Variants in PPM1E observed in about 807,000 individuals in gnomAD.
PPM1E encodes the protein protein phosphatase 1E.
In PPM1E, 20 loss-of-function variants were observed where a neutral mutation model predicts 65.9. The ratio of observed to expected loss-of-function variants is 0.30; its 90% CI spans 0.21 to 0.44. The LOEUF (loss-of-function observed/expected upper bound fraction) is 0.44, where lower values mean the gene tolerates loss of function less well. Among genes scored for constraint, PPM1E ranks in the 20% least tolerant of loss-of-function variants. The probability of loss-of-function intolerance (pLI) is 1.00; values close to 1 mark genes in which losing one functional copy is unlikely to be tolerated. For synonymous variants in PPM1E, 352 were observed against 374.9 expected (o/e 0.94, Z 0.70); for missense variants, 713 against 953.1 (o/e 0.75, Z 3.32).
intron 1 of PPM1E, among the ~76,000 whole-genome samples, chr17:58,870,834 G>A (rs1166415042): frequency 6.6e-6 from 1 of 152,148 alleles, no homozygotes; most frequent in Non-Finnish European, 1.5e-5. Flanking sequence ...GGTTTTAGAT[G>A]CATGATTACC....
At chr17:58,963,183 G>A (rs1031490414) in intron 2 of PPM1E, among the ~76,000 whole-genome samples, 52 of 151,728 alleles carry the variant, frequency 3.4e-4, no homozygotes, top group African/African-American at 1.1e-3. Context: ...TCAGGAGTTC[G>A]AGACCAGCCT....
At chr17:58,937,700 C>A (rs1171130476) in intron 1 of PPM1E, among the ~76,000 whole-genome samples, 2 of 149,074 alleles carry the variant, frequency 1.3e-5, no homozygotes, top group Non-Finnish European at 3.0e-5. Context: ...GGTGGTGAAA[C>A]CCCGTCTCTA....
intron 1 of PPM1E, among the ~76,000 whole-genome samples, chr17:58,772,811 A>T (rs1041752820): frequency 2.0e-5 from 3 of 152,088 alleles, no homozygotes; most frequent in Non-Finnish European, 4.4e-5. Context: ...ATTTCTAGGG[A>T]GATACTGGAA....
Position 58,756,565 on chromosome 17 carries a change from T to TC in PPM1E, c.464+109dup, listed in dbSNP as rs2049767224. 3 of 1,186,546 alleles carry TC rather than the reference T, an allele frequency of 2.5e-6. No homozygotes were observed. In the South Asian group the frequency reaches 1.3e-4, roughly 50 times the overall value. The allele number at this position is 1,186,546 out of a possible 1,614,324, so 73.5% of individuals were successfully genotyped here. On this transcript the variant is annotated intron_variant, in intron 1 of 6. Coordinates refer to ENST00000308249, the MANE Select transcript of PPM1E (RefSeq NM_014906.5). ...CAAACTGCTCTCTTTTCTGCTCCTC[T>TC]CCCCCGCACCCGCGCCTGCCGCCGC...
chr17:58,869,842 T>C (rs974025791), intron 1 of PPM1E, among the ~76,000 whole-genome samples: 21 of 152,212 alleles, frequency 1.4e-4, no homozygotes, highest in Non-Finnish European at 2.5e-4. Flanking sequence ...AGAACATTTA[T>C]GGAAGTTCTC....
intron 1 of PPM1E, among the ~76,000 whole-genome samples, chr17:58,791,570 C>A (rs2050158286): frequency 6.6e-6 from 1 of 152,178 alleles, no homozygotes; most frequent in African/African-American, 2.4e-5. Flanking sequence ...AACAGCAAAA[C>A]TTTCCTCTTT....
Position 58,969,622 on chromosome 17 carries a change from C to T in PPM1E, c.867C>T (p.His289=), listed in dbSNP as rs571100547. The part of the protein sequence containing the change: ...DAAIYASIHL[H]VNLVRQEMFP... ...CTATTTATGCCTCCATTCACCTCCA[C>T]GTTAACTTAGTCCGCCAGGAGATGT... The change falls in exon 4 of 7, where the codon CAC becomes CAT. Residue 289 remains histidine, a synonymous_variant. Coordinates refer to ENST00000308249, the MANE Select transcript of PPM1E (RefSeq NM_014906.5). The T allele has an allele frequency of 3.3e-5, 53 of 1,614,106 alleles. 1 individual carries two copies. The South Asian group carries it at 4.9e-4, about 15-fold the overall frequency.
At chr17:58,901,850 C>T (rs1398642520) in intron 1 of PPM1E, among the ~76,000 whole-genome samples, 1 of 151,910 alleles carries the variant, frequency 6.6e-6, no homozygotes, top group East Asian at 1.9e-4. Flanking sequence ...GTGGTACATG[C>T]CTGTAATCCC....
At chr17:58,952,761 C>T (rs1001862560) in intron 1 of PPM1E, among the ~76,000 whole-genome samples, 4 of 152,162 alleles carry the variant, frequency 2.6e-5, no homozygotes, top group African/African-American at 9.7e-5. Flanking sequence ...GCAACCTCCA[C>T]CTCCTGGATT....
At chr17:58,789,695 G>C (rs983702343) in intron 1 of PPM1E, among the ~76,000 whole-genome samples, 1 of 151,030 alleles carries the variant, frequency 6.6e-6, no homozygotes, top group Non-Finnish European at 1.5e-5. Flanking sequence ...ATGACTCTCC[G>C]ATGTGATCCT....
At chr17:58,890,756 T>G (rs990139944) in intron 1 of PPM1E, among the ~76,000 whole-genome samples, 2 of 152,180 alleles carry the variant, frequency 1.3e-5, no homozygotes, top group Non-Finnish European at 2.9e-5. Flanking sequence ...TGTTATCCTA[T>G]CTCAGAAACC....
intron 1 of PPM1E, among the ~76,000 whole-genome samples, chr17:58,807,224 T>A (rs1450799350): frequency 6.6e-6 from 1 of 152,180 alleles, no homozygotes; most frequent in Non-Finnish European, 1.5e-5. Flanking sequence ...ATTTTTTGGA[T>A]TTTTTAAAAA....
At chr17:58,782,399 G>GTT (rs1170298639) in intron 1 of PPM1E, among the ~76,000 whole-genome samples, 1 of 144,884 alleles carries the variant, frequency 6.9e-6, no homozygotes. Flanking sequence ...CTTAACTCAG[G>GTT]TTTTTGTTTT....
intron 1 of PPM1E, among the ~76,000 whole-genome samples, chr17:58,835,223 C>A (rs183556968): frequency 6.6e-6 from 1 of 152,042 alleles, no homozygotes; most frequent in Non-Finnish European, 1.5e-5. Flanking sequence ...TGCCTGTAGT[C>A]CCAGCTACTG....
chr17:58,904,248 T>G (rs912104860), intron 1 of PPM1E, among the ~76,000 whole-genome samples: 1 of 152,216 alleles, frequency 6.6e-6, no homozygotes, highest in Non-Finnish European at 1.5e-5. Flanking sequence ...ACTATCATCT[T>G]TATTTGCCAG....
chr17:58,887,168 T>C (rs1260836118), intron 1 of PPM1E, among the ~76,000 whole-genome samples: 1 of 145,518 alleles, frequency 6.9e-6, no homozygotes, highest in Non-Finnish European at 1.5e-5. Context: ...TCTTCTTTTT[T>C]TTTTTTTTTT....
At chr17:58,958,883 C>G (rs917946329) in intron 2 of PPM1E, among the ~76,000 whole-genome samples, 2 of 151,610 alleles carry the variant, frequency 1.3e-5, no homozygotes, top group African/African-American at 4.9e-5. Context: ...GTGCCCAGCC[C>G]CAATCCCTTT....
At chr17:58,771,181 C>G (rs769113920) in intron 1 of PPM1E, among the ~76,000 whole-genome samples, 1 of 151,250 alleles carries the variant, frequency 6.6e-6, no homozygotes, top group Non-Finnish European at 1.5e-5. Flanking sequence ...TCTAAGTGGT[C>G]GACAAATAAA....
Position 58,811,032 on chromosome 17 carries a change from A to G in PPM1E, c.464+54571A>G, listed in dbSNP as rs567454691. ...GCTACTATGCCTGGAAAATTTTTGT[A>G]TTTTTGGTAGAGACGGGGTTTCGCC... On this transcript the variant is annotated intron_variant, in intron 1 of 6. Coordinates refer to ENST00000308249, the MANE Select transcript of PPM1E (RefSeq NM_014906.5). 1.4e-4 allele frequency among the ~76,000 whole-genome samples: 22 copies of G among 152,070 alleles called. No individual in the cohort carries two copies. The East Asian group carries it at 4.3e-3, about 29-fold the overall frequency.
Sources: allele counts gnomAD v4.1 joint callset (sites outside exome capture counted in the v4.1 genomes callset), GRCh38; gene constraint gnomAD v4.1.1; transcripts MANE v1.5; gene names NCBI Gene and HGNC (gene_info 2026-07-23, HGNC 2026-07-21).